PRKCA: variants seen among roughly 807,000 people sequenced by gnomAD.
PRKCA encodes protein kinase C alpha, also known as protein kinase C alpha type.
Under a neutral mutation model 87.0 loss-of-function variants are expected in PRKCA, and 27 were observed. The observed-to-expected ratio is 0.31, with a 90% confidence interval of 0.23 to 0.43. The LOEUF (loss-of-function observed/expected upper bound fraction) is 0.43, where lower values mean the gene tolerates loss of function less well. PRKCA is among the 20% of genes least tolerant of loss of function. The pLI is 1.00. For synonymous variants in PRKCA, 329 were observed against 311.1 expected (o/e 1.06, Z -0.61); for missense variants, 518 against 852.3 (o/e 0.61, Z 4.88).
chr17:66,424,568 A>AAACACAC (rs1555602396), intron 2 of PRKCA, among the ~76,000 whole-genome samples: 7 of 141,948 alleles, frequency 4.9e-5, no homozygotes, highest in South Asian at 4.7e-4. Flanking sequence ...CCCTGTCTCA[A>AAACACAC]ACACACACAC....
intron 3 of PRKCA, among the ~76,000 whole-genome samples, chr17:66,621,417 T>G (rs1415969379): frequency 6.6e-6 from 1 of 152,246 alleles, no homozygotes; most frequent in African/African-American, 2.4e-5. Flanking sequence ...GTATTCTTTG[T>G]GTTTAAAAAC....
At chr17:66,431,238 A>G (rs911593553) in intron 2 of PRKCA, among the ~76,000 whole-genome samples, 1 of 152,200 alleles carries the variant, frequency 6.6e-6, no homozygotes, top group African/African-American at 2.4e-5. Context: ...ATACTTTTAG[A>G]TATTTCAAAC....
chr17:66,727,736 A>G (rs902406959), intron 8 of PRKCA, among the ~76,000 whole-genome samples: 2 of 152,164 alleles, frequency 1.3e-5, no homozygotes, highest in African/African-American at 4.8e-5. Context: ...GGGAGAGGTC[A>G]GCCAGGCTAG....
chr17:66,479,841 G>A (rs978280555), intron 2 of PRKCA, among the ~76,000 whole-genome samples: 2 of 152,024 alleles, frequency 1.3e-5, no homozygotes, highest in Non-Finnish European at 2.9e-5. Context: ...ACAACACACA[G>A]TGAGGCCTGT....
chr17:66,307,874 A>G (rs1904904513), intron 2 of PRKCA, among the ~76,000 whole-genome samples: 1 of 152,212 alleles, frequency 6.6e-6, no homozygotes, highest in Admixed American at 6.5e-5. Context: ...TCCTCCAGAG[A>G]TAACTTCTGT....
At chr17:66,467,021 T>C (rs532694127) in intron 2 of PRKCA, among the ~76,000 whole-genome samples, 41 of 152,348 alleles carry the variant, frequency 2.7e-4, no homozygotes, top group African/African-American at 8.7e-4. Context: ...GAACCTACTA[T>C]GAAAAGATGT....
In PRKCA at chr17:66,392,234, ACAAC is replaced by A. The variant is rs779709167; in HGVS notation, c.205+86108_205+86111del. 8.0e-5 allele frequency among the ~76,000 whole-genome samples: 11 copies of A among 136,918 alleles called. 2 individuals are homozygous for A. The highest frequency in any genetic ancestry group is 4.4e-4 in the East Asian group (2 of 4,552). The allele number at this position is 136,918 out of a possible 152,430, so 89.8% of individuals were successfully genotyped here. A position where few individuals can be genotyped will look rare whatever the true frequency, so the allele number is the denominator to read the frequency against. Reference sequence around the variant, plus strand: ...GACAGAGCAAGACTGTGTCTCAACAACAACAAAAAAAAAAATGTGGTTACAGAGG... The same window carrying A: ...GACAGAGCAAGACTGTGTCTCAACAAAAAAAAAAAAATGTGGTTACAGAGG... On this transcript the variant is annotated intron_variant, in intron 2 of 16. Coordinates refer to ENST00000413366, the MANE Select transcript of PRKCA (RefSeq NM_002737.3).
At position 66,580,544 on chromosome 17, in the gene PRKCA, C is replaced by G. The variant is rs142817055; in HGVS notation, c.289-60811C>G. ...CCTCCAGGGTTCCACGCATTCTTAG[C>G]ATCTCAGCAATCCAAGGACAAACAC... On this transcript the variant is annotated intron_variant, in intron 3 of 16. Coordinates refer to ENST00000413366, the MANE Select transcript of PRKCA (RefSeq NM_002737.3). Among the ~76,000 whole-genome samples the G allele has an allele frequency of 2.6e-3, 395 of 152,330 alleles. 2 individuals are homozygous for G. Among genetic ancestry groups the G allele is most frequent in the African/African-American group, 9.1e-3 (380 of 41,568 alleles).
At chr17:66,455,487 A>G (rs1168114356) in intron 2 of PRKCA, among the ~76,000 whole-genome samples, 1 of 152,240 alleles carries the variant, frequency 6.6e-6, no homozygotes, top group African/African-American at 2.4e-5. Flanking sequence ...CAGCGAAGCC[A>G]TAGGCTTTAT....
At chr17:66,311,737 T>C (rs1905094678) in intron 2 of PRKCA, among the ~76,000 whole-genome samples, 1 of 152,250 alleles carries the variant, frequency 6.6e-6, no homozygotes, top group Non-Finnish European at 1.5e-5. Context: ...TGTTGAGTGT[T>C]CCCATTTGGT....
At chr17:66,576,805 T>C (rs987866877) in intron 3 of PRKCA, among the ~76,000 whole-genome samples, 1 of 151,978 alleles carries the variant, frequency 6.6e-6, no homozygotes, top group African/African-American at 2.4e-5. Flanking sequence ...TTAGGGAAGA[T>C]TTATGTGTTC....
intron 8 of PRKCA, among the ~76,000 whole-genome samples, chr17:66,731,259 G>A (rs1467908471): frequency 1.3e-5 from 2 of 150,246 alleles, no homozygotes; most frequent in Non-Finnish European, 2.9e-5. Flanking sequence ...CAGGAGAATC[G>A]CTTGAACCTG....
At chr17:66,643,042 A>G (rs955828381) in intron 4 of PRKCA, among the ~76,000 whole-genome samples, 2 of 152,214 alleles carry the variant, frequency 1.3e-5, no homozygotes, top group Non-Finnish European at 2.9e-5. Flanking sequence ...ACTCGGTCTC[A>G]AAAAACTAGA....
intron 3 of PRKCA, among the ~76,000 whole-genome samples, chr17:66,556,193 G>T (rs1446765038): frequency 1.3e-5 from 2 of 151,890 alleles, no homozygotes; most frequent in East Asian, 1.9e-4. Context: ...TCACTGAAAG[G>T]CACTTTAAAA....
chr17:66,546,102 G>A lies in PRKCA; in HGVS notation c.288+49819G>A, dbSNP rs73340575. Among the ~76,000 whole-genome samples, 441 of 152,132 alleles carry A rather than the reference G, an allele frequency of 2.9e-3. 4 individuals are homozygous for A. Among genetic ancestry groups the A allele is most frequent in the African/African-American group, 0.01 (427 of 41,504 alleles). On this transcript the variant is annotated intron_variant, in intron 3 of 16. Transcript: ENST00000413366. ...TATGTAGTCTGGTCCTTTTTTATCT[G>A]CTGTGACAATCTTTGCCATTTAATT...
At chr17:66,704,556 G>GTTCTTATA (rs1973145137) in intron 8 of PRKCA, among the ~76,000 whole-genome samples, 1 of 152,290 alleles carries the variant, frequency 6.6e-6, no homozygotes, top group African/African-American at 2.4e-5. Context: ...TGTCTTCACA[G>GTTCTTATA]TTCTTATATT....
rs1976093551 is a variant in PRKCA, at chr17:66,808,560, C to T, written c.*4523C>T. 6.6e-6 allele frequency: 1 copy of T among 152,340 alleles called. No individual in the cohort carries two copies. The highest frequency in any genetic ancestry group is 2.1e-4 in the South Asian group (1 of 4,830). 9.4% of individuals were successfully genotyped at this position (152,340 alleles called of 1,614,324 possible). A position where few individuals can be genotyped will look rare whatever the true frequency, so the allele number is the denominator to read the frequency against. On this transcript the variant is annotated 3_prime_UTR_variant, in exon 17 of 17. Transcript: ENST00000413366. ...TGGGCACACCAGACAATCGTAATCA[C>T]AAAACAGACACTGAGCCAGGGGCCC... is the stretch of plus-strand genomic sequence containing the variant.
chr17:66,658,861 A>C (rs112392200), intron 5 of PRKCA, among the ~76,000 whole-genome samples: 96 of 152,290 alleles, frequency 6.3e-4, no homozygotes, highest in African/African-American at 1.1e-3. Context: ...GCCCCAACCA[A>C]GAAAATCTAA....
chr17:66,705,603 G>A (rs1298775932), intron 8 of PRKCA, among the ~76,000 whole-genome samples: 1 of 152,204 alleles, frequency 6.6e-6, no homozygotes, highest in African/African-American at 2.4e-5. Flanking sequence ...GTTGCTGGTT[G>A]AAGAAATATT....
Sources: allele counts gnomAD v4.1 joint callset (sites outside exome capture counted in the v4.1 genomes callset), GRCh38; gene constraint gnomAD v4.1.1; transcripts MANE v1.5; gene names NCBI Gene and HGNC (gene_info 2026-07-23, HGNC 2026-07-21).